KIF24: variants seen among roughly 807,000 people sequenced by gnomAD.
KIF24 encodes kinesin family member 24.
In KIF24, 81 loss-of-function variants were observed where a neutral mutation model predicts 118.9. The observed-to-expected ratio is 0.68, with a 90% confidence interval of 0.57 to 0.82. The LOEUF is 0.82. KIF24 is among the 40% of genes least tolerant of loss of function. KIF24 has a pLI of 0.00. For synonymous variants in KIF24, 599 were observed against 610.0 expected, an observed-to-expected ratio of 0.98 and a Z score of 0.27; for missense variants, 1,560 against 1,661.6, an observed-to-expected ratio of 0.94 and a Z score of 1.06.
Position 34,256,408 on chromosome 9 carries a change from G to A in KIF24, c.3199C>T (p.Pro1067Ser), listed in dbSNP as rs1587906882. The change falls in exon 11 of 13, where the codon CCC becomes TCC. Residue 1067 changes from proline (P) to serine (S), a missense_variant. Pro to Ser is a moderately conservative substitution (Grantham distance 74). Transcript: ENST00000402558. ...CCATCCTGGACCAGCTGCTCCGAGGGAGGAGACCCTTCGTTGTCTGGGTTC... is the reference window on the plus strand; with the variant it reads ...CCATCCTGGACCAGCTGCTCCGAGGAAGGAGACCCTTCGTTGTCTGGGTTC... Reference protein sequence around the residue: ...LENPDNEGSPPSEQLVQDGAT... With the variant: ...LENPDNEGSPSSEQLVQDGAT... 6.2e-7 allele frequency: 1 copy of A among 1,613,958 alleles called. No individual in the cohort carries two copies.
chr9:34,306,517 T>C, intron 2 of KIF24, 76 bp from the exon 3 acceptor site: 1 of 1,054,020 alleles, frequency 9.5e-7, no homozygotes, highest in South Asian at 1.7e-5. Flanking sequence ...TATTGGTACC[T>C]TTTAGCCGGG....
chr9:34,254,995 A>G (rs1442417249), intron 12 of KIF24, 77 bp downstream of exon 12: 1 of 1,014,502 alleles, frequency 9.9e-7, no homozygotes, highest in African/African-American at 1.6e-5. Flanking sequence ...ACACAGCCAC[A>G]GCAAACAAGG....
chr9:34,300,657 T>C (rs368759089), intron 3 of KIF24, among the ~76,000 whole-genome samples: 41 of 152,200 alleles, frequency 2.7e-4, no homozygotes, highest in African/African-American at 9.9e-4. Context: ...TGTGAGCCAC[T>C]GTGCCCAGCC....
intron 3 of KIF24, among the ~76,000 whole-genome samples, chr9:34,305,881 T>C (rs1178168371): frequency 1.1e-4 from 16 of 152,204 alleles, no homozygotes; most frequent in Admixed American, 9.2e-4. Flanking sequence ...ACTGGGATTA[T>C]AGGCGTGAGC....
chr9:34,271,872 G>C lies in KIF24; in HGVS notation c.1274C>G (p.Ser425Cys), dbSNP rs571044320. ...TTGGATGACGGCATGGGAGCGGGAG[G>C]AGTCTGCATTAACTCCAGTGGCCCC... is the stretch of plus-strand genomic sequence containing the variant. Reference protein sequence around the residue: ...STGATGVNADSSRSHAVIQIQ... With the variant: ...STGATGVNADCSRSHAVIQIQ... The change falls in exon 7 of 13, where the codon TCC becomes TGC. Residue 425 changes from serine to cysteine, a missense_variant. By Grantham distance (112) the Ser-to-Cys change is moderately radical. Coordinates refer to ENST00000402558, the MANE Select transcript of KIF24 (RefSeq NM_194313.4). 91 of 1,610,508 alleles carry C rather than the reference G, an allele frequency of 5.7e-5. 1 individual carries two copies. In the South Asian group the frequency reaches 9.4e-4, roughly 17 times the overall value.
chr9:34,254,463 T>C lies in KIF24; in HGVS notation c.4024A>G (p.Ile1342Val), dbSNP rs747798167. 4 of 1,613,812 alleles carry C rather than the reference T, an allele frequency of 2.5e-6. No individual in the cohort carries two copies. In the African/African-American group the frequency reaches 5.3e-5, roughly 22 times the overall value. The change falls in exon 13 of 13, where the codon ATC becomes GTC. Residue 1342 changes from isoleucine to valine, a missense_variant. By Grantham distance (29) the Ile-to-Val change is conservative. Coordinates refer to ENST00000402558, the MANE Select transcript of KIF24 (RefSeq NM_194313.4). The part of the protein sequence containing the change: ...DEIMVLKSKC[I>V]QSLRSQLQLY... ...TGCAGCTGGCTCCTCAGACTCTGGA[T>C]ACACTTGGATTTCAGAACCATGATT...
chr9:34,306,374 G>A lies in KIF24; in HGVS notation c.691C>T (p.Arg231Cys), dbSNP rs776926178. 1.3e-5 allele frequency: 21 copies of A among 1,612,446 alleles called. No individual in the cohort carries two copies. The highest frequency in any genetic ancestry group is 4.5e-5 in the East Asian group (2 of 44,890). The change falls in exon 3 of 13, where the codon CGC (arginine) becomes TGC (cysteine). Residue 231 changes from arginine to cysteine, a missense_variant. Physicochemically the swap from Arg to Cys is radical, Grantham distance 180. Around this residue, in one of 3 missense-constraint regions of KIF24, gnomAD observed 964 missense variants for 988.0 expected, o/e 0.98. Transcript: ENST00000402558. ...MEKIRVCVRKRPLGMREVRRG... is the reference protein window; with the variant it reads ...MEKIRVCVRKCPLGMREVRRG... The stretch of plus-strand genomic sequence containing the variant: ...CGTACCTCCCTCATGCCCAGGGGGC[G>A]TTTTCGAACACAAACTCTGATTTTC...
chr9:34,308,287 CT>C lies in KIF24; in HGVS notation c.624-1847del, dbSNP rs35870541. 3.7e-3 allele frequency among the ~76,000 whole-genome samples: 531 copies of C among 142,100 alleles called. 1 individual carries two copies. Among genetic ancestry groups the C allele is most frequent in the Middle Eastern group, 0.015 (4 of 266 alleles). 93.2% of individuals were successfully genotyped at this position (142,100 alleles called of 152,430 possible). A position where few individuals can be genotyped will look rare whatever the true frequency, so the allele number is the denominator to read the frequency against. On this transcript the variant is annotated intron_variant, in intron 2 of 12. Coordinates refer to ENST00000402558, the MANE Select transcript of KIF24 (RefSeq NM_194313.4). ...TCATCAAAAATGAAAATTTTTAATG[CT>C]TTTTTTTTTTTTTGAGACAGAGTTT...
intron 1 of KIF24, among the ~76,000 whole-genome samples, chr9:34,326,717 G>GGA (rs1323982428): frequency 6.6e-6 from 1 of 152,138 alleles, no homozygotes; most frequent in Non-Finnish European, 1.5e-5. Flanking sequence ...TATGAGAAGA[G>GGA]GAGAGAAAGG....
intron 1 of KIF24, among the ~76,000 whole-genome samples, chr9:34,320,372 A>C (rs1041858191): frequency 7.3e-5 from 11 of 151,472 alleles, no homozygotes; most frequent in Admixed American, 7.2e-4. Context: ...AATAGGCTAT[A>C]ACCAGCCAGG....
At chr9:34,265,309 C>T (rs1156313651) in intron 8 of KIF24, among the ~76,000 whole-genome samples, 4 of 152,074 alleles carry the variant, frequency 2.6e-5, no homozygotes, top group Non-Finnish European at 4.4e-5. Flanking sequence ...GCTTGGGTTA[C>T]AGGTGCGCAC....
intron 1 of KIF24, among the ~76,000 whole-genome samples, chr9:34,320,516 G>A (rs1288365849): frequency 1.3e-5 from 2 of 151,362 alleles, no homozygotes; most frequent in African/African-American, 4.8e-5. Flanking sequence ...AAATTAGCTG[G>A]GCATGGTGGC....
In KIF24 at chr9:34,311,110, C is replaced by G; in HGVS notation, c.237G>C (p.Gln79His). Residue 79 changes from glutamine to histidine, a missense_variant, in exon 2 of 13, where the codon CAG (glutamine) becomes CAC (histidine). Coordinates refer to ENST00000402558, the MANE Select transcript of KIF24 (RefSeq NM_194313.4). ...KAVSIPERHLQTSSLRIKSQE... is the reference protein window; with the variant it reads ...KAVSIPERHLHTSSLRIKSQE... ...GAGATTTGATGCGCAGGCTGCTTGT[C>G]TGAAGATGACGCTCTGGGATACTGA... The G allele has an allele frequency of 6.2e-7, 1 of 1,613,722 alleles. No individual in the cohort carries two copies. Among genetic ancestry groups the G allele is most frequent in the Non-Finnish European group, 8.5e-7 (1 of 1,179,686 alleles).
intron 1 of KIF24, among the ~76,000 whole-genome samples, chr9:34,327,842 A>G (rs955470795): frequency 1.8e-5 from 2 of 110,130 alleles, no homozygotes; most frequent in African/African-American, 5.7e-5. Flanking sequence ...CTCTAATAAA[A>G]AAAAAATAAT....
Position 34,256,437 on chromosome 9 carries a change from A to G in KIF24, c.3170T>C (p.Leu1057Pro), listed in dbSNP as rs200994876. 1 of 1,613,910 alleles carries G rather than the reference A, an allele frequency of 6.2e-7. No homozygotes were observed. The highest frequency in any genetic ancestry group is 1.3e-5 in the African/African-American group (1 of 75,040). ...GLMSPLTMSLLENPDNEGSPP... is the reference protein window; with the variant it reads ...GLMSPLTMSLPENPDNEGSPP... Reference sequence around the variant, plus strand: ...AGACCCTTCGTTGTCTGGGTTCTCCAGGAGGGACATGGTGAGGGGAGACAT... The same window carrying G: ...AGACCCTTCGTTGTCTGGGTTCTCCGGGAGGGACATGGTGAGGGGAGACAT... Residue 1057 changes from leucine (L) to proline (P), a missense_variant, in exon 11 of 13, where the codon CTG becomes CCG. Around this residue, in one of 3 missense-constraint regions of KIF24, gnomAD observed 591 missense variants for 655.6 expected, o/e 0.90. Coordinates refer to ENST00000402558, the MANE Select transcript of KIF24 (RefSeq NM_194313.4).
intron 4 of KIF24, among the ~76,000 whole-genome samples, chr9:34,292,659 A>C (rs961492559): frequency 2.0e-5 from 3 of 152,214 alleles, no homozygotes; most frequent in Non-Finnish European, 4.4e-5. Flanking sequence ...GAACCATAGA[A>C]ATGTGAGAAT....
intron 1 of KIF24, among the ~76,000 whole-genome samples, chr9:34,314,338 G>A (rs1363124669): frequency 6.6e-6 from 1 of 151,846 alleles, no homozygotes; most frequent in East Asian, 1.9e-4. Flanking sequence ...TAATTTTTTT[G>A]TATGTTTAGT....
intron 8 of KIF24, 75 bp downstream of exon 8, chr9:34,269,182 T>C: frequency 1.3e-6 from 1 of 794,944 alleles, no homozygotes; most frequent in Non-Finnish European, 2.1e-6. Flanking sequence ...CCATCCCACA[T>C]TCATCCACTC....
intron 8 of KIF24, among the ~76,000 whole-genome samples, chr9:34,265,736 ATATAT>A (rs1305380450): frequency 3.9e-5 from 6 of 152,166 alleles, no homozygotes; most frequent in Admixed American, 6.5e-5. Flanking sequence ...TGAAATACAT[ATATAT>A]TAAAGTAGAG....
Sources: gnomAD v4.1 joint callset for allele counts (sites outside exome capture counted in the v4.1 genomes callset) on GRCh38, gnomAD v4.1.1 for gene constraint, gnomAD v4.1.1 regional missense constraint, MANE v1.5 for transcripts, NCBI Gene and HGNC (gene_info 2026-07-23, HGNC 2026-07-21) for gene names.